METTL15: variants seen among roughly 807,000 people sequenced by gnomAD.
METTL15 encodes the protein methyltransferase 15, mitochondrial 12S rRNA N4-cytidine.
METTL15 carries 34 observed loss-of-function variants against 38.3 expected under a neutral mutation model. The observed-to-expected ratio is 0.89, with a 90% CI of 0.68 to 1.18. METTL15 has a LOEUF of 1.18. Ranked by LOEUF, METTL15 falls within the 50% of genes most tolerant of loss-of-function variation. The probability of loss-of-function intolerance (pLI) is 0.00; values close to 1 mark genes in which losing one functional copy is unlikely to be tolerated. For synonymous variants in METTL15, 162 were observed against 170.9 expected (o/e 0.95, Z 0.41); for missense variants, 438 against 498.4 (o/e 0.88, Z 1.15).
intron 6 of METTL15, among the ~76,000 whole-genome samples, chr11:28,518,154 G>T: frequency 6.6e-6 from 1 of 152,122 alleles, no homozygotes. Flanking sequence ...CACTCAGATT[G>T]CAGGAGAAAG....
At chr11:28,373,833 G>C (rs944836643) in intron 5 of METTL15, among the ~76,000 whole-genome samples, 2 of 152,024 alleles carry the variant, frequency 1.3e-5, no homozygotes, top group Non-Finnish European at 2.9e-5. Context: ...ATCTTGAATC[G>C]ATTTTTGTAT....
chr11:28,395,312 T>A (rs1850556686), intron 5 of METTL15, among the ~76,000 whole-genome samples: 1 of 152,074 alleles, frequency 6.6e-6, no homozygotes, highest in African/African-American at 2.4e-5. Context: ...GGCACTGTGT[T>A]AAGGAATAGG....
intron 6 of METTL15, among the ~76,000 whole-genome samples, chr11:28,445,617 A>G (rs960289971): frequency 6.6e-6 from 1 of 152,040 alleles, no homozygotes; most frequent in East Asian, 1.9e-4. Flanking sequence ...GTTTTACATG[A>G]TATTGGCATT....
chr11:28,139,244 G>C (rs1431106297), intron 3 of METTL15, among the ~76,000 whole-genome samples: 1 of 152,136 alleles, frequency 6.6e-6, no homozygotes, highest in Non-Finnish European at 1.5e-5. Flanking sequence ...AGAGGACAGA[G>C]TAAGGATTTT....
chr11:28,389,681 A>G (rs1157145198), intron 5 of METTL15, among the ~76,000 whole-genome samples: 5 of 151,416 alleles, frequency 3.3e-5, no homozygotes, highest in Admixed American at 6.6e-5. Flanking sequence ...GAATAGTGCC[A>G]CAATAAACAT....
At chr11:28,276,688 T>C (rs534498583) in intron 4 of METTL15, among the ~76,000 whole-genome samples, 2 of 152,224 alleles carry the variant, frequency 1.3e-5, no homozygotes, top group South Asian at 2.1e-4. Flanking sequence ...CTTGAAAATA[T>C]GTTACAAAAC....
At chr11:28,341,323 A>T (rs1251723863) in intron 3 of METTL15, among the ~76,000 whole-genome samples, 5 of 152,228 alleles carry the variant, frequency 3.3e-5, no homozygotes, top group African/African-American at 1.2e-4. Flanking sequence ...AATTAAAAAA[A>T]ATTTGCTATT....
chr11:28,210,680 C>A (rs1852595481), intron 3 of METTL15, among the ~76,000 whole-genome samples: 1 of 151,834 alleles, frequency 6.6e-6, no homozygotes, highest in Admixed American at 6.6e-5. Context: ...ATAAAATGAG[C>A]CACACTAATT....
chr11:28,132,398 G>GA (rs1262295176), intron 3 of METTL15, among the ~76,000 whole-genome samples: 1 of 151,908 alleles, frequency 6.6e-6, no homozygotes, highest in Non-Finnish European at 1.5e-5. Flanking sequence ...TTTTATGTGA[G>GA]AAAAATTGAA....
chr11:28,268,674 T>G (rs1855527968), intron 4 of METTL15, among the ~76,000 whole-genome samples: 1 of 152,186 alleles, frequency 6.6e-6, no homozygotes, highest in African/African-American at 2.4e-5. Context: ...ATTTATATGT[T>G]TATTTGAGAA....
chr11:28,272,842 G>A (rs1342935557), intron 4 of METTL15, among the ~76,000 whole-genome samples: 4 of 152,054 alleles, frequency 2.6e-5, no homozygotes, highest in Admixed American at 6.6e-5. Context: ...TGACTTCATG[G>A]TCTTAGAATT....
chr11:28,327,414 T>G (rs1590328920), intron 6 of METTL15, among the ~76,000 whole-genome samples: 1 of 152,388 alleles, frequency 6.6e-6, no homozygotes, highest in East Asian at 1.9e-4. Flanking sequence ...AAAGTAGATC[T>G]TATAAAGAAA....
chr11:28,381,479 A>C (rs558358221), intron 5 of METTL15, among the ~76,000 whole-genome samples: 1 of 152,202 alleles, frequency 6.6e-6, no homozygotes, highest in East Asian at 1.9e-4. Context: ...TTTCTTGTAC[A>C]CAAATAATTC....
At chr11:28,304,426 G>A (rs1857011987) in intron 6 of METTL15, among the ~76,000 whole-genome samples, 1 of 152,110 alleles carries the variant, frequency 6.6e-6, no homozygotes, top group African/African-American at 2.4e-5. Flanking sequence ...ATAATGATAA[G>A]ATAAAATTTA....
At chr11:28,361,697 T>G (rs1462192723) in intron 4 of METTL15, among the ~76,000 whole-genome samples, 1 of 152,164 alleles carries the variant, frequency 6.6e-6, no homozygotes, top group African/African-American at 2.4e-5. Context: ...TACTGCCATT[T>G]ATTTAATAAA....
chr11:28,370,255 A>G (rs568229825), intron 5 of METTL15, among the ~76,000 whole-genome samples: 2 of 151,942 alleles, frequency 1.3e-5, no homozygotes, highest in African/African-American at 4.8e-5. Context: ...CCACCAATCT[A>G]TACTAAAGCT....
chr11:28,128,924 G>A (rs1852619842), intron 3 of METTL15, among the ~76,000 whole-genome samples: 1 of 152,160 alleles, frequency 6.6e-6, no homozygotes. Context: ...ATTAGCCTTT[G>A]ATGGTTTTCC....
intron 3 of METTL15, among the ~76,000 whole-genome samples, chr11:28,135,221 G>T (rs892771346): frequency 3.9e-5 from 6 of 152,158 alleles, no homozygotes; most frequent in African/African-American, 1.4e-4. Flanking sequence ...GGACTGAGTT[G>T]TTGGCAAAAT....
At chr11:28,310,914 C>CTGCTGCTGCTGCTGG (rs1296842131) in intron 6 of METTL15, among the ~76,000 whole-genome samples, 6 of 110,122 alleles carry the variant, frequency 5.4e-5, no homozygotes, top group African/African-American at 2.2e-4. Context: ...GCTGCTGCTG[C>CTGCTGCTGCTGCTGG]TGGTGGTGGT....
Sources: gnomAD v4.1 joint callset for allele counts (sites outside exome capture counted in the v4.1 genomes callset) on GRCh38, gnomAD v4.1.1 for gene constraint, MANE v1.5 for transcripts, NCBI Gene and HGNC (gene_info 2026-07-23, HGNC 2026-07-21) for gene names.